Variants in CHORDC1 observed in about 807,000 individuals in gnomAD.
CHORDC1 encodes cysteine and histidine-rich domain-containing protein 1.
Under a neutral mutation model 48.3 loss-of-function variants are expected in CHORDC1, and 25 were observed. The observed-to-expected ratio is 0.52, with a 90% CI of 0.38 to 0.72. CHORDC1 has a LOEUF of 0.72. Among genes scored for constraint, CHORDC1 ranks in the 30% least tolerant of loss-of-function variants. The pLI is 0.00. For missense variants in CHORDC1, 317 were observed against 388.7 expected (o/e 0.82, Z 1.55); for synonymous variants, 128 against 126.4 (o/e 1.01, Z -0.09).
At chr11:90,205,631 T>G in intron 7 of CHORDC1, 66 bp from the exon 8 acceptor site, 1 of 1,000,640 alleles carries the variant, frequency 1.0e-6, no homozygotes, top group South Asian at 1.4e-5. Context: ...ACAAGTATTT[T>G]AGGGATAAAT....
chr11:90,219,691 T>A (rs529976178), intron 1 of CHORDC1, among the ~76,000 whole-genome samples: 3 of 152,248 alleles, frequency 2.0e-5, no homozygotes, highest in Non-Finnish European at 4.4e-5. Context: ...ATACTTTTAG[T>A]AAATCTCCAT....
At position 90,201,906 on chromosome 11, in the gene CHORDC1, T is replaced by G. The variant is rs1435245243; in HGVS notation, c.*499A>C. On this transcript the variant is annotated 3_prime_UTR_variant, in exon 11 of 11. Coordinates refer to ENST00000320585, the MANE Select transcript of CHORDC1 (RefSeq NM_012124.3). ...TTTAGTTACTATACTACCTCAGAATTAATCCTCCTTAAAAAAGTAATCATC... is the reference window on the plus strand; with the variant it reads ...TTTAGTTACTATACTACCTCAGAATGAATCCTCCTTAAAAAAGTAATCATC... The G allele has an allele frequency of 2.0e-5, 3 of 152,376 alleles. No individual in the cohort carries two copies. The highest frequency in any genetic ancestry group is 4.8e-5 in the African/African-American group (2 of 41,446). 9.4% of individuals were successfully genotyped at this position (152,376 alleles called of 1,614,324 possible).
chr11:90,219,533 A>G (rs11018920), intron 1 of CHORDC1, among the ~76,000 whole-genome samples: 24,062 of 152,198 alleles, frequency 0.16, 2,194 homozygotes, highest in East Asian at 0.27. Context: ...TACCTGAATG[A>G]GGGCAAGGAA....
intron 3 of CHORDC1, 55 bp from the exon 4 acceptor site, chr11:90,214,230 A>G (rs1468198574): frequency 3.9e-6 from 5 of 1,289,032 alleles, no homozygotes; most frequent in Non-Finnish European, 4.2e-6. Context: ...TCATGATAGA[A>G]ATATTATCTT....
At chr11:90,222,671 G>A (rs1381947999) in intron 1 of CHORDC1, 2 of 695,468 alleles carry the variant, frequency 2.9e-6, no homozygotes, top group Non-Finnish European at 5.3e-6. Context: ...CAGTGGCAGA[G>A]GACAGTCAGG....
rs1565167716 is a variant in CHORDC1, at chr11:90,206,287, A to G, written c.493-15T>C. 12 of 1,391,174 alleles carry G rather than the reference A, an allele frequency of 8.6e-6. No individual in the cohort carries two copies. Among genetic ancestry groups the G allele is most frequent in the Non-Finnish European group, 9.2e-6 (9 of 979,868 alleles). 86.2% of individuals were successfully genotyped at this position (1,391,174 alleles called of 1,614,324 possible). A position where few individuals can be genotyped will look rare whatever the true frequency, so the allele number is the denominator to read the frequency against. On this transcript the variant is annotated splice_polypyrimidine_tract_variant and intron_variant, in intron 6 of 10. Transcript: ENST00000320585. ...CCCTGGTATGTCTAAAAAGGAAACA[A>G]AGAGAAAAAAAATTAGCTGCGTATC... is the stretch of plus-strand genomic sequence containing the variant.
chr11:90,212,882 C>CA (rs1857909653), intron 4 of CHORDC1: 1 of 152,034 alleles, frequency 6.6e-6, no homozygotes, highest in African/African-American at 2.4e-5. Context: ...CTAGGCTTCT[C>CA]AAAGTGCTGG....
At chr11:90,214,203 G>A (rs757468365) in intron 3 of CHORDC1, 28 bp from the exon 4 acceptor site, 2 of 1,504,554 alleles carry the variant, frequency 1.3e-6, no homozygotes, top group Non-Finnish European at 1.8e-6. Flanking sequence ...TTCATTAAGA[G>A]CTATCTATTT....
intron 6 of CHORDC1, chr11:90,206,723 A>G (rs1021772978): frequency 8.3e-7 from 1 of 1,197,670 alleles, no homozygotes; most frequent in Non-Finnish European, 1.1e-6. Context: ...TCTTATCCCT[A>G]TAAAGGGTAA....
At chr11:90,204,047 G>T (rs1043107647) in intron 8 of CHORDC1, among the ~76,000 whole-genome samples, 1 of 151,888 alleles carries the variant, frequency 6.6e-6, no homozygotes, top group African/African-American at 2.4e-5. Context: ...ATATAAATGA[G>T]AACAATTTAG....
intron 6 of CHORDC1, chr11:90,209,612 G>C (rs564015942): frequency 6.6e-6 from 1 of 152,154 alleles, no homozygotes; most frequent in South Asian, 2.1e-4. Context: ...GATTAAGAGC[G>C]ATGGAGAAAA....
intron 6 of CHORDC1, chr11:90,208,007 T>C (rs1393027884): frequency 1.3e-5 from 2 of 151,938 alleles, no homozygotes; most frequent in Non-Finnish European, 2.9e-5. Context: ...AAATGCTCAT[T>C]GGAGCATTTC....
At chr11:90,204,912 A>G (rs904154562) in intron 8 of CHORDC1, among the ~76,000 whole-genome samples, 1 of 152,110 alleles carries the variant, frequency 6.6e-6, no homozygotes, top group Admixed American at 6.6e-5. Flanking sequence ...GTCTTTTTAA[A>G]AAGCTGTCCA....
intron 6 of CHORDC1, chr11:90,207,778 A>AAAAAAAAAAAAAAAT (rs1857740743): frequency 7.0e-6 from 1 of 143,432 alleles, no homozygotes; most frequent in Non-Finnish European, 1.5e-5. Context: ...AAAAAAAAAA[A>AAAAAAAAAAAAAAAT]CAAAAAAAAC....
chr11:90,207,761 C>CAAAAAAAAAAAAAAA (rs71055890), intron 6 of CHORDC1: 34 of 51,760 alleles, frequency 6.6e-4, no homozygotes, highest in South Asian at 1.0e-3. Context: ...GGTTAAAATA[C>CAAAAAAAAAAAAAAA]AAAAAAAAAA....
chr11:90,215,337 GTA>G (rs34923920), intron 2 of CHORDC1, 107 bp from the exon 3 acceptor site: 68,317 of 576,200 alleles, frequency 0.12, 4,405 homozygotes, highest in South Asian at 0.21. Flanking sequence ...AGTAACTTGC[GTA>G]TAGAGTGCAA....
chr11:90,206,947 C>T, intron 6 of CHORDC1: 1 of 387,278 alleles, frequency 2.6e-6, no homozygotes, highest in Non-Finnish European at 4.9e-6. Flanking sequence ...ATCCAAAGTA[C>T]AGTATTAGAT....
At chr11:90,203,040 C>A (rs1857580355) in intron 9 of CHORDC1, among the ~76,000 whole-genome samples, 165 bp from the exon 10 acceptor site, 1 of 152,078 alleles carries the variant, frequency 6.6e-6, no homozygotes, top group Admixed American at 6.5e-5. Context: ...AAAAGAATAA[C>A]TGGCTTCAAG....
intron 6 of CHORDC1, among the ~76,000 whole-genome samples, chr11:90,210,156 G>GT (rs1428671776): frequency 2.0e-5 from 3 of 152,118 alleles, no homozygotes; most frequent in African/African-American, 7.2e-5. Flanking sequence ...GCACTCCTTA[G>GT]TATGTTTTAT....
Sources: allele counts gnomAD v4.1 joint callset (sites outside exome capture counted in the v4.1 genomes callset), GRCh38; gene constraint gnomAD v4.1.1; transcripts MANE v1.5; gene names NCBI Gene and HGNC (gene_info 2026-07-23, HGNC 2026-07-21).